Variants in MOXD1 observed in about 807,000 individuals in gnomAD.
MOXD1 encodes the protein DBH-like monooxygenase protein 1.
MOXD1 carries 62 observed loss-of-function variants against 66.6 expected under a neutral mutation model. The observed-to-expected ratio is 0.93, with a 90% CI of 0.76 to 1.15. MOXD1 has a LOEUF of 1.15. Ranked by LOEUF, MOXD1 falls within the 50% of genes most tolerant of loss-of-function variation. The pLI, the probability that MOXD1 is intolerant of heterozygous loss-of-function variation, is 0.00. For missense variants in MOXD1, 847 were observed against 754.6 expected (o/e 1.12, Z -1.44); for synonymous variants, 303 against 281.9 (o/e 1.07, Z -0.75).
At chr6:132,359,275 T>A (rs1050344725) in intron 4 of MOXD1, among the ~76,000 whole-genome samples, 1 of 151,902 alleles carries the variant, frequency 6.6e-6, no homozygotes, top group African/African-American at 2.4e-5. Context: ...ATTTTTTAAA[T>A]TTTTCTTTAG....
intron 10 of MOXD1, among the ~76,000 whole-genome samples, chr6:132,307,698 G>A (rs1286496684): frequency 1.3e-5 from 2 of 152,168 alleles, no homozygotes; most frequent in East Asian, 3.8e-4. Flanking sequence ...AGTCAAATTA[G>A]AACTCAGGAT....
chr6:132,305,017 C>T (rs574295022), intron 10 of MOXD1, among the ~76,000 whole-genome samples: 145 of 152,310 alleles, frequency 9.5e-4, no homozygotes, highest in African/African-American at 3.3e-3. Context: ...AGGGCAGGGT[C>T]GATCAGCACC....
At chr6:132,358,698 A>T (rs1582592645) in intron 4 of MOXD1, among the ~76,000 whole-genome samples, 1 of 152,336 alleles carries the variant, frequency 6.6e-6, no homozygotes, top group South Asian at 2.1e-4. Context: ...CCAATTTTAC[A>T]TTGAAGGTAT....
chr6:132,297,765 T>C (rs1774441222), intron 11 of MOXD1, 22 bp downstream of exon 11: 3 of 1,571,730 alleles, frequency 1.9e-6, no homozygotes, highest in Non-Finnish European at 2.6e-6. Flanking sequence ...ATCTGGGTTG[T>C]CAGAGGTTAA....
At chr6:132,351,641 T>C (rs1050972149) in intron 4 of MOXD1, among the ~76,000 whole-genome samples, 3 of 152,146 alleles carry the variant, frequency 2.0e-5, no homozygotes, top group African/African-American at 7.2e-5. Context: ...GGTATTAGGG[T>C]GATGCTGGTT....
chr6:132,323,952 G>T lies in MOXD1; in HGVS notation c.1092C>A (p.Cys364Ter), dbSNP rs1705361967. Residue 364 changes from cysteine (C) to a stop codon, truncating the protein, a stop_gained, in exon 7 of 12, where the codon TGC becomes TGA. Coordinates refer to ENST00000367963, the MANE Select transcript of MOXD1 (RefSeq NM_015529.4). LOFTEE classifies it high-confidence loss of function. Reference sequence around the variant, plus strand: ...ATACCTCTTCCAGGCACTCCAAAGTGCAGTGACCCTCAGACTGGAACTCAG... The same window carrying T: ...ATACCTCTTCCAGGCACTCCAAAGTTCAGTGACCCTCAGACTGGAACTCAG... ...GMPEFQSEGHCTLECLEEALE... is the reference protein window; with the variant it reads ...GMPEFQSEGH 2 of 1,612,206 alleles carry T rather than the reference G, an allele frequency of 1.2e-6. No individual in the cohort carries two copies. Among genetic ancestry groups the T allele is most frequent in the Non-Finnish European group, 8.5e-7 (1 of 1,179,458 alleles).
At chr6:132,373,863 A>T (rs1273242952) in intron 2 of MOXD1, among the ~76,000 whole-genome samples, 1 of 152,210 alleles carries the variant, frequency 6.6e-6, no homozygotes, top group Non-Finnish European at 1.5e-5. Context: ...TTATTATTCC[A>T]ATTAAAGTAT....
chr6:132,342,482 G>A (rs1562287869), intron 4 of MOXD1, among the ~76,000 whole-genome samples: 2 of 152,046 alleles, frequency 1.3e-5, no homozygotes, highest in African/African-American at 2.4e-5. Context: ...ACAGTTCATT[G>A]TTTTACTACT....
Position 132,322,776 on chromosome 6 carries a change from C to T in MOXD1, c.1208G>A (p.Arg403Gln), listed in dbSNP as rs201058024. Reference protein sequence around the residue: ...AGRGIRLRHFRKGKEMKLLAY... With the variant: ...AGRGIRLRHFQKGKEMKLLAY... ...AAGTAATTTCATTTCCTTCCCTTTT[C>T]GAAAATGACGCAGCCTGATGCCTCT... is the stretch of plus-strand genomic sequence containing the variant. Residue 403 changes from arginine (R) to glutamine (Q), a missense_variant, in exon 8 of 12, where the codon CGA becomes CAA. Transcript: ENST00000367963. The T allele has an allele frequency of 1.3e-4, 204 of 1,614,022 alleles. No homozygotes were observed. Among genetic ancestry groups the T allele is most frequent in the Non-Finnish European group, 5.3e-5 (62 of 1,179,950 alleles).
rs755002490 is a variant in MOXD1, at chr6:132,327,968, C to G, written c.946+45G>C. ...TGTTAAAGACTTACAAGGTACAAAA[C>G]TTTTTATAAAAATCATAGGTAAAAC... is the stretch of plus-strand genomic sequence containing the variant. On this transcript the variant is annotated intron_variant, in intron 6 of 11. Transcript: ENST00000367963. 14 of 1,525,282 alleles carry G rather than the reference C, an allele frequency of 9.2e-6. 1 individual carries two copies. The South Asian group carries it at 1.6e-4, about 17-fold the overall frequency. The allele number at this position is 1,525,282 out of a possible 1,614,324, so 94.5% of individuals were successfully genotyped here. A position where few individuals can be genotyped will look rare whatever the true frequency, so the allele number is the denominator to read the frequency against.
intron 1 of MOXD1, chr6:132,392,269 A>T: frequency 6.2e-7 from 1 of 1,603,642 alleles, no homozygotes; most frequent in Non-Finnish European, 8.5e-7. Flanking sequence ...TTCGCATCAC[A>T]GGCCTCAGTT....
chr6:132,342,976 A>G (rs1217227321), intron 4 of MOXD1, among the ~76,000 whole-genome samples: 1 of 152,232 alleles, frequency 6.6e-6, no homozygotes, highest in Admixed American at 6.5e-5. Context: ...GGCAATATAC[A>G]GGAACATAAC....
intron 4 of MOXD1, among the ~76,000 whole-genome samples, chr6:132,329,869 T>C (rs2114586835): frequency 6.6e-6 from 1 of 152,232 alleles, no homozygotes; most frequent in South Asian, 2.1e-4. Flanking sequence ...AAAAAAACAT[T>C]GTTAGCTATG....
intron 10 of MOXD1, among the ~76,000 whole-genome samples, chr6:132,311,396 A>T (rs796335967): frequency 1.3e-5 from 2 of 151,760 alleles, no homozygotes; most frequent in South Asian, 4.1e-4. Flanking sequence ...AACATTAAAA[A>T]TCTTGAAAAT....
intron 1 of MOXD1, among the ~76,000 whole-genome samples, chr6:132,376,883 A>G (rs566408052): frequency 1.6e-4 from 24 of 152,332 alleles, no homozygotes; most frequent in African/African-American, 4.8e-4. Context: ...TAATCTTCAA[A>G]TCACATCTAT....
Position 132,305,761 on chromosome 6 carries a change from A to G in MOXD1, c.1509-7806T>C, listed in dbSNP as rs149098886. On this transcript the variant is annotated intron_variant, in intron 10 of 11. Coordinates refer to ENST00000367963, the MANE Select transcript of MOXD1 (RefSeq NM_015529.4). ...ACCCAGCAAAGTGCAGCAGCCCTAC[A>G]GAAGAGGGACCTGACTGTTGAAAGA... is the stretch of plus-strand genomic sequence containing the variant. Among the ~76,000 whole-genome samples, 615 of 152,328 alleles carry G rather than the reference A, an allele frequency of 4.0e-3. 14 individuals are homozygous for G. The East Asian group carries it at 0.062, about 15-fold the overall frequency.
chr6:132,367,286 T>G (rs925887687), intron 4 of MOXD1, among the ~76,000 whole-genome samples: 34 of 152,102 alleles, frequency 2.2e-4, no homozygotes, highest in African/African-American at 7.5e-4. Context: ...AGATTAGCAA[T>G]TGAGTGTTGC....
chr6:132,320,688 C>A lies in MOXD1; in HGVS notation c.1306G>T (p.Gly436Ter), dbSNP rs925736023. The A allele has an allele frequency of 9.3e-6, 15 of 1,610,022 alleles. No homozygotes were observed. Among genetic ancestry groups the A allele is most frequent in the South Asian group, 2.2e-5 (2 of 90,096 alleles). The change falls in exon 9 of 12, where the codon GGA becomes TGA. Residue 436 changes from glycine (G) to a stop codon, truncating the protein, a stop_gained and splice_region_variant. Transcript: ENST00000367963. LOFTEE classifies it high-confidence loss of function. ...CGACACTCAGTAATTAGGTTATCTC[C>A]CTGAAACATAAAAGCAAAAGCTTTC... ...YLKEEQTILP[G>*]DNLITECRYN...
intron 1 of MOXD1, among the ~76,000 whole-genome samples, chr6:132,379,323 C>T (rs1007766279): frequency 3.3e-5 from 5 of 152,062 alleles, no homozygotes; most frequent in Non-Finnish European, 5.9e-5. Context: ...ACTGCAGAAT[C>T]CCTCAGTAAA....
Sources: allele counts gnomAD v4.1 joint callset (sites outside exome capture counted in the v4.1 genomes callset), GRCh38; gene constraint gnomAD v4.1.1; transcripts MANE v1.5; gene names NCBI Gene and HGNC (gene_info 2026-07-23, HGNC 2026-07-21).